Variants in ZXDA observed in about 807,000 individuals in gnomAD.
The protein encoded by ZXDA is zinc finger X-linked protein ZXDA.
In ZXDA, 5 loss-of-function variants were observed where a neutral mutation model predicts 10.1. The observed-to-expected ratio is 0.50, with a 90% CI of 0.26 to 1.04. The LOEUF is 1.04. Among genes scored for constraint, ZXDA ranks in the 50% least tolerant of loss-of-function variants. The pLI is 0.14. For missense variants in ZXDA, 501 were observed against 672.4 expected (o/e 0.75, Z 2.82); for synonymous variants, 266 against 313.1 (o/e 0.85, Z 1.59).
In ZXDA at chrX:57,910,015, A is replaced by T. The variant is rs765984518; in HGVS notation, c.406T>A (p.Ser136Thr). Residue 136 changes from serine (S) to threonine (T), a missense_variant, in exon 1 of 1, where the codon TCT (serine) becomes ACT (threonine). Ser to Thr is a moderately conservative substitution (Grantham distance 58, BLOSUM62 1). This residue lies in a region of ZXDA where 251 missense variants were observed against 221.6 expected (regional missense o/e 1.13). Transcript: ENST00000358697. ...GACAGGCAGTGGGGGCCCTGCGCAG[A>T]GCAGCCCGCGGGGTTCGCGCCGCTC... ...DESGANPAGC[S>T]AQGPHCLSAV... 0.049 allele frequency: 43,409 copies of T among 889,840 alleles called. 10,166 individuals carry two copies. The highest frequency in any genetic ancestry group is 0.22 in the Middle Eastern group (384 of 1,760). 73.3% of individuals were successfully genotyped at this position (889,840 alleles called of 1,213,427 possible).
chrX:57,910,223 T>C lies in ZXDA; in HGVS notation c.198A>G (p.Ser66=). 15 of 1,186,996 alleles carry C rather than the reference T, an allele frequency of 1.3e-5. No individual in the cohort carries two copies. Among genetic ancestry groups the C allele is most frequent in the Non-Finnish European group, 1.7e-5 (15 of 887,565 alleles). Residue 66 remains serine (S), a synonymous_variant, in exon 1 of 1, where the codon TCA becomes TCG. Coordinates refer to ENST00000358697, the MANE Select transcript of ZXDA (RefSeq NM_007156.5). ...CGAACAGGCTTGGGCCAGGGCCCCG[T>C]GATGCCGTGCTGGCCTCCTCGCGCC... The part of the protein sequence containing the change: ...GRRREEASTA[S]RGPGPSLFAP...
Position 57,909,897 on chromosome X carries a change from C to T in ZXDA, c.524G>A (p.Arg175His), listed in dbSNP as rs766307151. The T allele has an allele frequency of 2.1e-5, 25 of 1,198,112 alleles. No individual in the cohort carries two copies. Among genetic ancestry groups the T allele is most frequent in the Non-Finnish European group, 2.8e-5 (25 of 891,031 alleles). The change falls in exon 1 of 1, where the codon CGC becomes CAC. Residue 175 changes from arginine to histidine, a missense_variant. By Grantham distance (29) the Arg-to-His change is conservative. Coordinates refer to ENST00000358697, the MANE Select transcript of ZXDA (RefSeq NM_007156.5). ...VTIHNQDLLL[R>H]FENGVLTLAT... Reference sequence around the variant, plus strand: ...CAGGGTGAGGACGCCGTTCTCAAAGCGCAACAGCAGGTCCTGGTTGTGGAT... The same window carrying T: ...CAGGGTGAGGACGCCGTTCTCAAAGTGCAACAGCAGGTCCTGGTTGTGGAT...
chrX:57,909,664 C>A lies in ZXDA; in HGVS notation c.757G>T (p.Gly253Cys). The A allele has an allele frequency of 8.5e-7, 1 of 1,183,022 alleles. No individual in the cohort carries two copies. Among genetic ancestry groups the A allele is most frequent in the Non-Finnish European group, 1.1e-6 (1 of 881,317 alleles). The change falls in exon 1 of 1, where the codon GGC becomes TGC. Residue 253 changes from glycine to cysteine, a missense_variant. Physicochemically the swap from Gly to Cys is radical, Grantham distance 159. Transcript: ENST00000358697. ...EEAEGLAAAL[G>C]PRGLLGSGPG... ...CCAGAGCCCAGCAGTCCGCGGGGGC[C>A]CAGGGCGGCGGCCAGGCCCTCCGCC...
rs1047880238 is a variant in ZXDA, at chrX:57,905,616, C to T, written c.*2405G>A. ...ACAGTCACACTTCTGTCTGTAATTA[C>T]ATGCCATGTCAACTATCATGGTGGG... On this transcript the variant is annotated 3_prime_UTR_variant, in exon 1 of 1. Coordinates refer to ENST00000358697, the MANE Select transcript of ZXDA (RefSeq NM_007156.5). Among the ~76,000 whole-genome samples the T allele has an allele frequency of 2.7e-5, 3 of 111,754 alleles. No homozygotes were observed. The highest frequency in any genetic ancestry group is 9.8e-5 in the African/African-American group (3 of 30,702).
rs776197024 is a variant in ZXDA at position 57,910,108 on chromosome X, A to G, written c.313T>C (p.Ser105Pro). Residue 105 changes from serine to proline, a missense_variant, in exon 1 of 1, where the codon TCC becomes CCC. Physicochemically the swap from Ser to Pro is moderately conservative, Grantham distance 74. This residue lies in a region of ZXDA where 251 missense variants were observed against 221.6 expected (regional missense o/e 1.13). Transcript: ENST00000358697. ...AACACAGGCCCTGCGGCCTGACCGG[A>G]GCCCGCGGTCTCCACGTCGCCACCC... is the stretch of plus-strand genomic sequence containing the variant. ...PVGGDVETAG[S>P]GQAAGPVLRE... 16 of 1,196,626 alleles carry G rather than the reference A, an allele frequency of 1.3e-5. 1 individual carries two copies. The highest frequency in any genetic ancestry group is 1.8e-5 in the Non-Finnish European group (16 of 892,325).
In ZXDA at chrX:57,910,209, G is replaced by T; in HGVS notation, c.212C>A (p.Pro71Gln). 8.4e-7 allele frequency: 1 copy of T among 1,192,400 alleles called. No homozygotes were observed. The change falls in exon 1 of 1, where the codon CCA (proline) becomes CAA (glutamine). Residue 71 changes from proline to glutamine, a missense_variant. Pro to Gln is a moderately conservative substitution (Grantham distance 76). Transcript: ENST00000358697. The stretch of plus-strand genomic sequence containing the variant: ...ATGGGGCCTCGGCGCGAACAGGCTT[G>T]GGCCAGGGCCCCGTGATGCCGTGCT... ...EASTASRGPG[P>Q]SLFAPRPHQP... is the part of the protein sequence containing the mutation.
In ZXDA at chrX:57,909,041, G is replaced by C; in HGVS notation, c.1380C>G (p.Asn460Lys). ...TTAAGAGTTTGGACATGCTGGTGAA[G>C]TTCCAGCCACAGCCATCAAAGTCAC... is the stretch of plus-strand genomic sequence containing the variant. ...FLCDFDGCGW[N>K]FTSMSKLLRH... is the part of the protein sequence containing the mutation. The change falls in exon 1 of 1, where the codon AAC (asparagine) becomes AAG (lysine). Residue 460 changes from asparagine to lysine, a missense_variant. By Grantham distance (94) the Asn-to-Lys change is moderately conservative (BLOSUM62 0). This residue lies in a region of ZXDA where 171 missense variants were observed against 262.7 expected (regional missense o/e 0.65). Transcript: ENST00000358697. The C allele has an allele frequency of 8.3e-7, 1 of 1,211,742 alleles. No homozygotes were observed. Among genetic ancestry groups the C allele is most frequent in the Non-Finnish European group, 1.1e-6 (1 of 895,481 alleles).
Position 57,909,238 on chromosome X carries a change from C to G in ZXDA, c.1183G>C (p.Gly395Arg), listed in dbSNP as rs45580541. 1 of 1,210,492 alleles carries G rather than the reference C, an allele frequency of 8.3e-7. No homozygotes were observed. The highest frequency in any genetic ancestry group is 1.1e-6 in the Non-Finnish European group (1 of 895,340). ...ACTGTGATAAATGTCTTCTTGCAGC[C>G]AGAAAACGCGCACTGGTAAGGCCTC... is the stretch of plus-strand genomic sequence containing the variant. ...PERPYQCAFSGCKKTFITVSA... is the reference protein window; with the variant it reads ...PERPYQCAFSRCKKTFITVSA... Residue 395 changes from glycine (G) to arginine (R), a missense_variant, in exon 1 of 1, where the codon GGC becomes CGC. Physicochemically the swap from Gly to Arg is moderately radical, Grantham distance 125. Transcript: ENST00000358697.
chrX:57,909,419 C>T lies in ZXDA; in HGVS notation c.1002G>A (p.Ala334=), dbSNP rs769304794. The change falls in exon 1 of 1, where the codon GCG becomes GCA. Residue 334 remains alanine, a synonymous_variant. Transcript: ENST00000358697. ...TGGTGAAGCTCTTGCCACAGCCCTCCGCAGGGCAGCCGAAGGGCCGCAGTT... is the reference window on the plus strand; with the variant it reads ...TGGTGAAGCTCTTGCCACAGCCCTCTGCAGGGCAGCCGAAGGGCCGCAGTT... ...HDKLRPFGCP[A]EGCGKSFTTV... The T allele has an allele frequency of 2.0e-5, 24 of 1,210,375 alleles. No individual in the cohort carries two copies. Among genetic ancestry groups the T allele is most frequent in the African/African-American group, 5.2e-5 (3 of 57,275 alleles).
chrX:57,909,992 C>A lies in ZXDA; in HGVS notation c.429G>T (p.Leu143=). The change falls in exon 1 of 1, where the codon CTG becomes CTT. Residue 143 remains leucine, a synonymous_variant. Coordinates refer to ENST00000358697, the MANE Select transcript of ZXDA (RefSeq NM_007156.5). ...TCGGGGCCGGAGTGGGAACCGCGGA[C>A]AGGCAGTGGGGGCCCTGCGCAGAGC... ...AGCSAQGPHC[L]SAVPTPAPIS... is the part of the protein sequence containing the mutation. The A allele has an allele frequency of 9.3e-7, 1 of 1,073,235 alleles. No homozygotes were observed. The allele number at this position is 1,073,235 out of a possible 1,213,427, so 88.4% of individuals were successfully genotyped here.
Position 57,906,954 on chromosome X carries a change from G to A in ZXDA, c.*1067C>T, listed in dbSNP as rs928937314. The A allele has an allele frequency of 8.9e-6, 1 of 111,989 alleles. No individual in the cohort carries two copies. The allele number at this position is 111,989 out of a possible 1,213,427, so 9.2% of individuals were successfully genotyped here. ...GGAGAAAAATCTCCCTCTGGTCTAT[G>A]TCCAGATTGTCTTGGAAGAATAGGC... On this transcript the variant is annotated 3_prime_UTR_variant, in exon 1 of 1. Coordinates refer to ENST00000358697, the MANE Select transcript of ZXDA (RefSeq NM_007156.5).
Position 57,910,240 on chromosome X carries a change from C to T in ZXDA, c.181G>A (p.Glu61Lys), listed in dbSNP as rs1569186025. 8.8e-7 allele frequency: 1 copy of T among 1,141,485 alleles called. No homozygotes were observed. Among genetic ancestry groups the T allele is most frequent in the Admixed American group, 2.8e-5 (1 of 36,072 alleles). The allele number at this position is 1,141,485 out of a possible 1,213,427, so 94.1% of individuals were successfully genotyped here. Residue 61 changes from glutamate (E) to lysine (K), a missense_variant, in exon 1 of 1, where the codon GAG becomes AAG. This residue lies in a region of ZXDA where 251 missense variants were observed against 221.6 expected (regional missense o/e 1.13). Transcript: ENST00000358697. ...GGGCCCCGTGATGCCGTGCTGGCCT[C>T]CTCGCGCCGCCGCCCGGGCCCGCCA... ...QDGGPGRRRE[E>K]ASTASRGPGP...
Position 57,906,098 on chromosome X carries a change from C to A in ZXDA, c.*1923G>T, listed in dbSNP as rs960107615. The stretch of plus-strand genomic sequence containing the variant: ...TTGCTTTTTCATTGAATAAGTACAA[C>A]CAACTTAAAAATTATAAAGACAGTA... On this transcript the variant is annotated 3_prime_UTR_variant, in exon 1 of 1. Transcript: ENST00000358697. 1.8e-5 allele frequency among the ~76,000 whole-genome samples: 2 copies of A among 111,626 alleles called. No homozygotes were observed. Among genetic ancestry groups the A allele is most frequent in the Admixed American group, 1.9e-4 (2 of 10,555 alleles).
In ZXDA at chrX:57,907,468, A is replaced by T; in HGVS notation, c.*553T>A. On this transcript the variant is annotated 3_prime_UTR_variant, in exon 1 of 1. Coordinates refer to ENST00000358697, the MANE Select transcript of ZXDA (RefSeq NM_007156.5). ...AAGCCCTTGTATTTTCCACAACAAA[A>T]ACATACCTTCATCATTTAAAAAAAA... 1 of 111,896 alleles carries T rather than the reference A, an allele frequency of 8.9e-6. No individual in the cohort carries two copies. The highest frequency in any genetic ancestry group is 1.9e-5 in the Non-Finnish European group (1 of 53,279). The allele number at this position is 111,896 out of a possible 1,213,427, so 9.2% of individuals were successfully genotyped here.
Position 57,907,788 on chromosome X carries a change from A to G in ZXDA, c.*233T>C. 1 of 376,870 alleles carries G rather than the reference A, an allele frequency of 2.7e-6. No homozygotes were observed. The highest frequency in any genetic ancestry group is 8.1e-5 in the South Asian group (1 of 12,395). The allele number at this position is 376,870 out of a possible 1,213,427, so 31.1% of individuals were successfully genotyped here. A position where few individuals can be genotyped will look rare whatever the true frequency, so the allele number is the denominator to read the frequency against. On this transcript the variant is annotated 3_prime_UTR_variant, in exon 1 of 1. Transcript: ENST00000358697. ...TGAGCAATGTGTTCAAACCACCACA[A>G]TTTATAAATAAGGAAATTAAGGCTC...
Position 57,908,689 on chromosome X carries a change from G to A in ZXDA, c.1732C>T (p.Leu578=). 8.3e-7 allele frequency: 1 copy of A among 1,210,541 alleles called. No homozygotes were observed. Residue 578 remains leucine, a synonymous_variant, in exon 1 of 1, where the codon CTA becomes TTA. Transcript: ENST00000358697. ...GGTGTAAGAGAATTTGCTGCTTCTA[G>A]CTGAGCTAAGAGATCCTGGCCCACC... ...HKVGQDLLAQ[L]EAANSLTPSS...
chrX:57,909,251 C>T lies in ZXDA; in HGVS notation c.1170G>A (p.Gln390=). The T allele has an allele frequency of 1.7e-6, 2 of 1,212,078 alleles. No individual in the cohort carries two copies. The highest frequency in any genetic ancestry group is 1.8e-5 in the South Asian group (1 of 57,007). Residue 390 remains glutamine, a synonymous_variant, in exon 1 of 1, where the codon CAG becomes CAA. Transcript: ENST00000358697. ...RSHFEPERPY[Q]CAFSGCKKTF... ...TCTTCTTGCAGCCAGAAAACGCGCA[C>T]TGGTAAGGCCTCTCGGGTTCGAAGT...
At position 57,909,666 on chromosome X, in the gene ZXDA, A is replaced by G. The variant is rs1291219150; in HGVS notation, c.755T>C (p.Leu252Pro). ...QEEAEGLAAALGPRGLLGSGP... is the reference protein window; with the variant it reads ...QEEAEGLAAAPGPRGLLGSGP... ...AGAGCCCAGCAGTCCGCGGGGGCCC[A>G]GGGCGGCGGCCAGGCCCTCCGCCTC... The change falls in exon 1 of 1, where the codon CTG becomes CCG. Residue 252 changes from leucine (L) to proline (P), a missense_variant. Physicochemically the swap from Leu to Pro is moderately conservative, Grantham distance 98 (BLOSUM62 -3). Around this residue, in one of 5 missense-constraint regions of ZXDA, gnomAD observed 251 missense variants for 221.6 expected, o/e 1.13. Transcript: ENST00000358697. The G allele has an allele frequency of 2.5e-6, 3 of 1,180,977 alleles. No individual in the cohort carries two copies. In the Admixed American group the frequency reaches 7.2e-5, roughly 29 times the overall value.
At position 57,908,619 on chromosome X, in the gene ZXDA, G is replaced by A; in HGVS notation, c.1802C>T (p.Ala601Val). ...ATCAGAGAAGAGAGACACTATCTCTGCATCACTGAGATCATTCTGTCTCTG... is the reference window on the plus strand; with the variant it reads ...ATCAGAGAAGAGAGACACTATCTCTACATCACTGAGATCATTCTGTCTCTG... ...TSQRQNDLSD[A>V]EIVSLFSDVP... Residue 601 changes from alanine to valine, a missense_variant, in exon 1 of 1, where the codon GCA becomes GTA. Transcript: ENST00000358697. 3 of 1,208,215 alleles carry A rather than the reference G, an allele frequency of 2.5e-6. No homozygotes were observed. Among genetic ancestry groups the A allele is most frequent in the Non-Finnish European group, 3.4e-6 (3 of 894,446 alleles).
Sources: gnomAD v4.1 joint callset for allele counts (sites outside exome capture counted in the v4.1 genomes callset) on GRCh38, gnomAD v4.1.1 for gene constraint, gnomAD v4.1.1 regional missense constraint, MANE v1.5 for transcripts, NCBI Gene and HGNC (gene_info 2026-07-23, HGNC 2026-07-21) for gene names.